RNF14: variants seen among roughly 807,000 people sequenced by gnomAD.
RNF14 encodes ring finger protein 14.
In RNF14, 26 loss-of-function variants were observed where a neutral mutation model predicts 52.6. The observed-to-expected ratio is 0.49, with a 90% confidence interval of 0.36 to 0.69. RNF14 has a LOEUF of 0.69. RNF14 is among the 30% of genes least tolerant of loss of function. The pLI is 0.00. For missense variants in RNF14, 404 were observed against 560.4 expected, an observed-to-expected ratio of 0.72 and a Z score of 2.82; for synonymous variants, 194 against 202.0, an observed-to-expected ratio of 0.96 and a Z score of 0.34.
intron 4 of RNF14, among the ~76,000 whole-genome samples, chr5:141,977,686 A>G (rs1754389306): frequency 6.6e-6 from 1 of 152,230 alleles, no homozygotes; most frequent in Non-Finnish European, 1.5e-5. Context: ...GCTTCCCTCC[A>G]TTAACCAGGA....
chr5:141,981,320 AATTG>A (rs1258336818), intron 6 of RNF14, among the ~76,000 whole-genome samples: 1 of 152,112 alleles, frequency 6.6e-6, no homozygotes, highest in Non-Finnish European at 1.5e-5. Context: ...TTTTTCTAAT[AATTG>A]ATTGTTAGCT....
At chr5:141,955,046 C>T (rs747183572), upstream of RNF14, 6 of 1,614,238 alleles carry the variant, frequency 3.7e-6, no homozygotes, top group Admixed American at 3.3e-5. The surrounding 1 kb of genome is among the most constrained non-coding windows in gnomAD (Gnocchi z 5.5). Flanking sequence ...GACAGCCGGA[C>T]CAGGCTCCGC....
intron 3 of RNF14, among the ~76,000 whole-genome samples, chr5:141,974,228 T>G (rs1474788034): frequency 1.3e-5 from 2 of 152,230 alleles, no homozygotes; most frequent in Non-Finnish European, 2.9e-5. Context: ...TGATGCACAC[T>G]TTCTCAAAAT....
At chr5:141,984,969 A>T in intron 8 of RNF14, 36 bp downstream of exon 8, 1 of 1,582,334 alleles carries the variant, frequency 6.3e-7, no homozygotes, top group Non-Finnish European at 8.7e-7. Flanking sequence ...CTCACCAGCA[A>T]TTTTTGGTAC....
At chr5:141,981,305 T>C (rs1187222006) in intron 6 of RNF14, among the ~76,000 whole-genome samples, 1 of 152,222 alleles carries the variant, frequency 6.6e-6, no homozygotes, top group African/African-American at 2.4e-5. Flanking sequence ...TTAGACTTTT[T>C]TTCATTTTTC....
upstream of RNF14, chr5:141,955,292 T>A (rs764333172): frequency 7.4e-6 from 12 of 1,614,066 alleles, no homozygotes; most frequent in Middle Eastern, 3.3e-4. This position sits in a 1 kb window ranked among gnomAD's most constrained non-coding sequence, Gnocchi z 5.5. Context: ...TTCCTCTGCC[T>A]GGGATGGTTG....
At position 141,978,494 on chromosome 5, in the gene RNF14, G is replaced by C; in HGVS notation, c.498G>C (p.Glu166Asp). 6.2e-7 allele frequency: 1 copy of C among 1,614,184 alleles called. No homozygotes were observed. The highest frequency in any genetic ancestry group is 8.5e-7 in the Non-Finnish European group (1 of 1,180,038). ...RRTAQASPNTELDFGGAAGSD... is the reference protein window; with the variant it reads ...RRTAQASPNTDLDFGGAAGSD... ...CAGCTCAAGCTTCTCCCAACACAGA[G>C]CTAGATTTTGGAGGAGCTGCTGGAT... The change falls in exon 5 of 9, where the codon GAG becomes GAC. Residue 166 changes from glutamate (E) to aspartate (D), a missense_variant. Coordinates refer to ENST00000394520, the MANE Select transcript of RNF14 (RefSeq NM_004290.5).
chr5:141,974,302 G>A (rs1754051470), intron 3 of RNF14, among the ~76,000 whole-genome samples: 1 of 152,242 alleles, frequency 6.6e-6, no homozygotes, highest in Non-Finnish European at 1.5e-5. Flanking sequence ...AACTTTGATT[G>A]TGAGAGTGTT....
At chr5:141,972,313 T>A (rs1753853218) in intron 2 of RNF14, among the ~76,000 whole-genome samples, 1 of 151,644 alleles carries the variant, frequency 6.6e-6, no homozygotes, top group Non-Finnish European at 1.5e-5. Flanking sequence ...CACTGCAGCC[T>A]CGACCTCCCA....
upstream of RNF14, among the ~76,000 whole-genome samples, chr5:141,953,740 G>C (rs544737979): frequency 3.3e-5 from 5 of 152,360 alleles, no homozygotes; most frequent in South Asian, 1.0e-3. Context: ...ATAAATGAAT[G>C]GTTGGCTCTG....
At chr5:141,980,067 G>C in intron 5 of RNF14, 56 bp from the exon 6 acceptor site, 30 of 1,424,070 alleles carry the variant, frequency 2.1e-5, no homozygotes, top group Non-Finnish European at 2.9e-5. Context: ...AATCGCCTCA[G>C]GTTCAGAACT....
upstream of RNF14, among the ~76,000 whole-genome samples, chr5:141,963,768 T>C (rs543904475): frequency 7.9e-5 from 12 of 152,302 alleles, no homozygotes; most frequent in South Asian, 2.3e-3. Flanking sequence ...TCATATAGAA[T>C]CTAATCGGCC....
the RNF14 span, among the ~76,000 whole-genome samples, chr5:141,950,268 C>A: frequency 6.6e-6 from 1 of 152,190 alleles, no homozygotes; most frequent in East Asian, 1.9e-4. Context: ...TGGGGACAGG[C>A]CTGGACCCTC....
the RNF14 span, among the ~76,000 whole-genome samples, chr5:141,951,302 C>T: frequency 6.6e-6 from 1 of 152,176 alleles, no homozygotes; most frequent in Non-Finnish European, 1.5e-5. Context: ...CTTCTAGGTC[C>T]TGTAAATACT....
At chr5:141,955,493 C>A, upstream of RNF14, 1 of 1,614,162 alleles carries the variant, frequency 6.2e-7, no homozygotes, top group Non-Finnish European at 8.5e-7. The surrounding 1 kb of genome is among the most constrained non-coding windows in gnomAD (Gnocchi z 5.5). Context: ...TCACAAGGCT[C>A]ACCTGCCTGA....
At chr5:141,979,400 C>T (rs1212429781) in intron 5 of RNF14, among the ~76,000 whole-genome samples, 1 of 152,144 alleles carries the variant, frequency 6.6e-6, no homozygotes, top group Non-Finnish European at 1.5e-5. Context: ...AGGCACCCGC[C>T]ACCATGCCCG....
chr5:141,959,742 A>G (rs555847854), intron 1 of RNF14, among the ~76,000 whole-genome samples: 2 of 152,188 alleles, frequency 1.3e-5, no homozygotes, highest in Admixed American at 6.5e-5. Context: ...TATTTCACTG[A>G]AACCCATTAA....
At chr5:141,979,210 TACAGC>T (rs1754530014) in intron 5 of RNF14, among the ~76,000 whole-genome samples, 1 of 151,436 alleles carries the variant, frequency 6.6e-6, no homozygotes, top group Non-Finnish European at 1.5e-5. Flanking sequence ...TCAGCAGAAG[TACAGC>T]CTACTTAGGT....
upstream of RNF14, among the ~76,000 whole-genome samples, chr5:141,967,810 T>C (rs1172174862): frequency 1.3e-5 from 2 of 152,248 alleles, no homozygotes; most frequent in Non-Finnish European, 2.9e-5. Context: ...AGAACGGTGC[T>C]TTGTACCTAA....
Sources: allele counts gnomAD v4.1 joint callset (sites outside exome capture counted in the v4.1 genomes callset), GRCh38; gene constraint gnomAD v4.1.1; non-coding constraint Gnocchi (gnomAD v3.1); transcripts MANE v1.5; gene names NCBI Gene and HGNC (gene_info 2026-07-23, HGNC 2026-07-21).